NBPF11: variants seen among roughly 807,000 people sequenced by gnomAD.
NBPF11 encodes the protein NBPF member 11.
Under a neutral mutation model 93.9 loss-of-function variants are expected in NBPF11, and 72 were observed. That is an observed-to-expected ratio of 0.77 (90% CI 0.63 to 0.93). The LOEUF (loss-of-function observed/expected upper bound fraction) is 0.93, where lower values mean the gene tolerates loss of function less well. Ranked by LOEUF, NBPF11 falls within the 40% of genes least tolerant of loss-of-function variation. The pLI is 0.00. For synonymous variants in NBPF11, 224 were observed against 304.9 expected, an observed-to-expected ratio of 0.73 and a Z score of 2.76; for missense variants, 705 against 802.2, an observed-to-expected ratio of 0.88 and a Z score of 1.46.
intron 1 of NBPF11, among the ~76,000 whole-genome samples, chr1:148,148,278 C>T (rs1456765362): frequency 3.8e-4 from 57 of 151,176 alleles, no homozygotes; most frequent in African/African-American, 8.9e-4. Context: ...GCAGAGGGGA[C>T]GCACACCTGC....
At chr1:148,132,303 A>T (rs1216933636) in intron 4 of NBPF11, among the ~76,000 whole-genome samples, 2 of 147,074 alleles carry the variant, frequency 1.4e-5, no homozygotes, top group Non-Finnish European at 3.0e-5. Flanking sequence ...TTAGACATAC[A>T]TGTGAGTATC....
rs782740427 is a variant in NBPF11 at position 148,121,348 on chromosome 1, C to CTTTTTTT, written c.779-645_779-639dup. ...GTGAGCCAGCGTCCCTGGTCAGAGACTTTTTTTTTTTTTTTTTGAGATGCA... is the reference window on the plus strand; with the variant it reads ...GTGAGCCAGCGTCCCTGGTCAGAGACTTTTTTTTTTTTTTTTTTTTTTTTGAGATGCA... On this transcript the variant is annotated intron_variant, in intron 9 of 23. Transcript: ENST00000682118. Among the ~76,000 whole-genome samples the CTTTTTTT allele has an allele frequency of 8.1e-4, 101 of 124,854 alleles. 5 individuals are homozygous for CTTTTTTT. Among genetic ancestry groups the CTTTTTTT allele is most frequent in the African/African-American group, 2.5e-3 (81 of 32,718 alleles). The allele number at this position is 124,854 out of a possible 152,430, so 81.9% of individuals were successfully genotyped here. A position where few individuals can be genotyped will look rare whatever the true frequency, so the allele number is the denominator to read the frequency against.
chr1:148,145,678 G>A (rs1553276699), intron 1 of NBPF11, among the ~76,000 whole-genome samples: 3 of 151,682 alleles, frequency 2.0e-5, no homozygotes, highest in Admixed American at 1.3e-4. Flanking sequence ...CAGGAATTCC[G>A]TATCGGGCTA....
chr1:148,150,395 C>A (rs1328043824), intron 1 of NBPF11, among the ~76,000 whole-genome samples: 1 of 150,858 alleles, frequency 6.6e-6, no homozygotes, highest in Non-Finnish European at 1.5e-5. Flanking sequence ...TGATCTACCA[C>A]GCCCAGATCA....
At chr1:148,127,979 T>A (rs1669517067) in intron 4 of NBPF11, among the ~76,000 whole-genome samples, 1 of 151,314 alleles carries the variant, frequency 6.6e-6, no homozygotes, top group Non-Finnish European at 1.5e-5. Context: ...CAGGTGGGTA[T>A]ATATGCCACT....
chr1:148,118,748 T>A, intron 10 of NBPF11, 26 bp from the exon 11 acceptor site: 3 of 1,597,792 alleles, frequency 1.9e-6, no homozygotes, highest in Non-Finnish European at 2.6e-6. Context: ...CACGCCTGCA[T>A]CAGTGGAAGG....
rs1305388699 is a variant in NBPF11, at chr1:148,149,398, C to G, written c.-549+2352G>C. ...TGCTCATCATCCACGGCAGGGAGGA[C>G]GAGGTGATCGACTTCTCGCACGGGC... On this transcript the variant is annotated intron_variant, in intron 1 of 23. Transcript: ENST00000682118. The G allele has an allele frequency of 5.7e-6, 9 of 1,580,378 alleles. No individual in the cohort carries two copies. In the East Asian group the frequency reaches 1.1e-4, roughly 20 times the overall value.
At chr1:148,141,223 TTTAGGACA>T (rs1349313837) in intron 2 of NBPF11, among the ~76,000 whole-genome samples, 5 of 152,126 alleles carry the variant, frequency 3.3e-5, no homozygotes, top group Admixed American at 6.5e-5. Flanking sequence ...GTATTGAGGA[TTTAGGACA>T]TTACGTAATT....
chr1:148,120,192 TAC>T (rs1424211297), intron 10 of NBPF11, among the ~76,000 whole-genome samples: 2 of 147,286 alleles, frequency 1.4e-5, no homozygotes, highest in Non-Finnish European at 3.0e-5. Flanking sequence ...TCTTATGTGG[TAC>T]AGAGAGGATT....
intron 1 of NBPF11, among the ~76,000 whole-genome samples, chr1:148,148,301 C>T (rs1647270239): frequency 6.6e-6 from 1 of 152,244 alleles, no homozygotes; most frequent in African/African-American, 2.4e-5. Context: ...ATGCTCCTGC[C>T]TTGCAAGAGG....
intron 10 of NBPF11, among the ~76,000 whole-genome samples, chr1:148,119,936 G>C (rs1292599241): frequency 5.3e-5 from 8 of 152,156 alleles, no homozygotes; most frequent in Non-Finnish European, 8.8e-5. Context: ...TTACAGGAGT[G>C]AGCCACCATG....
intron 1 of NBPF11, chr1:148,149,660 C>CG (rs1172896121): frequency 3.6e-5 from 43 of 1,183,508 alleles, no homozygotes; most frequent in South Asian, 3.6e-4. Context: ...TGGACCCCCC[C>CG]GGGCGGCCCA....
intron 1 of NBPF11, among the ~76,000 whole-genome samples, chr1:148,149,832 A>G (rs1435804632): frequency 3.9e-5 from 6 of 152,018 alleles, no homozygotes; most frequent in Non-Finnish European, 8.8e-5. Flanking sequence ...AAAAGAGGAC[A>G]TATAAATGGC....
chr1:148,121,417 G>A (rs1274129755), intron 9 of NBPF11, among the ~76,000 whole-genome samples: 1 of 145,290 alleles, frequency 6.9e-6, no homozygotes, highest in Non-Finnish European at 1.5e-5. Flanking sequence ...CCACAGTCTC[G>A]GCTCACTGCA....
At chr1:148,132,740 T>C in intron 4 of NBPF11, among the ~76,000 whole-genome samples, 1 of 52,414 alleles carries the variant, frequency 1.9e-5, no homozygotes, top group Non-Finnish European at 3.8e-5. Flanking sequence ...TTTTTTTTTT[T>C]TTTTTTTTTT....
At chr1:148,116,770 G>C (rs1164618353) in intron 12 of NBPF11, among the ~76,000 whole-genome samples, 1 of 152,016 alleles carries the variant, frequency 6.6e-6, no homozygotes, top group Non-Finnish European at 1.5e-5. Flanking sequence ...AAGACCTTTT[G>C]CTTCCCATAT....
Position 148,103,598 on chromosome 1 carries a change from T to C in NBPF11, c.*298A>G. On this transcript the variant is annotated 3_prime_UTR_variant, in exon 24 of 24. Coordinates refer to ENST00000682118, the MANE Select transcript of NBPF11 (RefSeq NM_001385469.3). ...CTGGGCTTCCAAATGGAACTATAGT[T>C]TCATTCAAATCTTCAGGTGCCTATA... is the stretch of plus-strand genomic sequence containing the variant. 2 of 1,609,282 alleles carry C rather than the reference T, an allele frequency of 1.2e-6. No homozygotes were observed. Among genetic ancestry groups the C allele is most frequent in the Non-Finnish European group, 1.7e-6 (2 of 1,177,848 alleles).
intron 16 of NBPF11, 94 bp from the exon 17 acceptor site, chr1:148,109,429 G>C: frequency 1.2e-6 from 1 of 869,234 alleles, no homozygotes; most frequent in Non-Finnish European, 1.9e-6. Flanking sequence ...AGGGACATCA[G>C]TCTTGTCAGT....
At chr1:148,151,457 G>A (rs1327398846) in intron 1 of NBPF11, among the ~76,000 whole-genome samples, 2 of 152,022 alleles carry the variant, frequency 1.3e-5, no homozygotes, top group South Asian at 2.1e-4. Flanking sequence ...TTCCGAAGAC[G>A]TGCCCCCGAA....
Sources: allele counts gnomAD v4.1 joint callset (sites outside exome capture counted in the v4.1 genomes callset), GRCh38; gene constraint gnomAD v4.1.1; transcripts MANE v1.5; gene names NCBI Gene and HGNC (gene_info 2026-07-23, HGNC 2026-07-21).